The following CFAP69 variants were observed in gnomAD, a reference collection of about 807,000 sequenced individuals.
The protein encoded by CFAP69 is cilia and flagella associated protein 69.
CFAP69 carries 92 observed loss-of-function variants against 123.0 expected under a neutral mutation model. The ratio of observed to expected loss-of-function variants is 0.75; its 90% CI spans 0.63 to 0.89. The LOEUF is 0.89. Ranked by LOEUF, CFAP69 falls within the 40% of genes least tolerant of loss-of-function variation. The pLI, the probability that CFAP69 is intolerant of heterozygous loss-of-function variation, is 0.00. For missense variants in CFAP69, 1,067 were observed against 1,096.9 expected (o/e 0.97, Z 0.39); for synonymous variants, 380 against 364.3 (o/e 1.04, Z -0.49).
intron 17 of CFAP69, 36 bp downstream of exon 17, chr7:90,300,095 A>T (rs896831135): frequency 2.1e-5 from 30 of 1,430,214 alleles, no homozygotes; most frequent in Non-Finnish European, 2.8e-5. Context: ...GAAGCAATTA[A>T]TGTATATATT....
In CFAP69 at chr7:90,287,521, T is replaced by A. The variant is rs570023455; in HGVS notation, c.1657-713T>A. 1,627 of 985,200 alleles carry A rather than the reference T, an allele frequency of 1.7e-3. 4 individuals are homozygous for A. Among genetic ancestry groups the A allele is most frequent in the Non-Finnish European group, 1.8e-3 (1,533 of 829,782 alleles). 61.0% of individuals were successfully genotyped at this position (985,200 alleles called of 1,614,324 possible). ...TTTTAGCTCCATAGTGAACTCTGAGTCTCAGAGATTGATAATTTAAATGTT... is the reference window on the plus strand; with the variant it reads ...TTTTAGCTCCATAGTGAACTCTGAGACTCAGAGATTGATAATTTAAATGTT... On this transcript the variant is annotated intron_variant, in intron 14 of 22. Transcript: ENST00000389297.
intron 13 of CFAP69, among the ~76,000 whole-genome samples, chr7:90,285,414 T>A (rs1463057905): frequency 6.6e-6 from 1 of 152,068 alleles, no homozygotes; most frequent in Non-Finnish European, 1.5e-5. Flanking sequence ...AAAAAGTCAC[T>A]TTTTTTCTTT....
intron 1 of CFAP69, among the ~76,000 whole-genome samples, chr7:90,246,320 C>A (rs1796316738): frequency 6.6e-6 from 1 of 152,162 alleles, no homozygotes; most frequent in South Asian, 2.1e-4. Flanking sequence ...GAGCCCTGAT[C>A]GTGCCTTAAA....
intron 19 of CFAP69, among the ~76,000 whole-genome samples, chr7:90,305,445 T>TC (rs1793441422): frequency 6.7e-6 from 1 of 149,176 alleles, no homozygotes; most frequent in Admixed American, 6.7e-5. Flanking sequence ...CAGGCTGGAG[T>TC]ACAATGGCAT....
chr7:90,294,947 G>C (rs1169475066), intron 15 of CFAP69, among the ~76,000 whole-genome samples: 1 of 152,176 alleles, frequency 6.6e-6, no homozygotes, highest in Non-Finnish European at 1.5e-5. Context: ...AAGGTGAGGT[G>C]CTCAGGGAGG....
At chr7:90,268,180 T>A (rs1009020596) in intron 5 of CFAP69, 106 bp from the exon 6 acceptor site, 1 of 677,088 alleles carries the variant, frequency 1.5e-6, no homozygotes, top group Non-Finnish European at 2.4e-6. Context: ...TTTGAATCTC[T>A]GAGAATATTT....
At chr7:90,294,378 C>T (rs1319944341) in intron 15 of CFAP69, among the ~76,000 whole-genome samples, 5 of 152,128 alleles carry the variant, frequency 3.3e-5, no homozygotes, top group Admixed American at 3.3e-4. Context: ...CATCATTCTA[C>T]TTTTTACTTT....
chr7:90,302,017 C>A (rs551785862), intron 17 of CFAP69: 2 of 152,272 alleles, frequency 1.3e-5, no homozygotes, highest in East Asian at 3.9e-4. Context: ...AACAGCCATT[C>A]TGACTGATGT....
intron 19 of CFAP69, among the ~76,000 whole-genome samples, 188 bp from the exon 20 acceptor site, chr7:90,306,713 A>C (rs548353634): frequency 1.3e-5 from 2 of 152,316 alleles, no homozygotes; most frequent in South Asian, 2.1e-4. Flanking sequence ...AACATTTGAT[A>C]AATTCCTACT....
chr7:90,289,189 G>C (rs926785279), intron 15 of CFAP69, among the ~76,000 whole-genome samples: 8 of 151,864 alleles, frequency 5.3e-5, no homozygotes, highest in Non-Finnish European at 7.4e-5. Flanking sequence ...AAAATGCCCA[G>C]ATCTGGGCAT....
In CFAP69 at chr7:90,297,094, T is replaced by G. The variant is rs575850357; in HGVS notation, c.1776-655T>G. On this transcript the variant is annotated intron_variant, in intron 15 of 22. Transcript: ENST00000389297. ...TTTAAAAATATGTCAAAGGAATATA[T>G]TTTGGGGTAAAATACTTTGATTTCT... Among the ~76,000 whole-genome samples the G allele has an allele frequency of 1.4e-4, 22 of 152,282 alleles. 1 individual carries two copies. In the South Asian group the frequency reaches 3.7e-3, roughly 26 times the overall value.
intron 15 of CFAP69, among the ~76,000 whole-genome samples, chr7:90,294,705 G>T (rs17863978): frequency 1.3e-5 from 2 of 151,934 alleles, no homozygotes; most frequent in Admixed American, 6.6e-5. Flanking sequence ...CAGGCTTACA[G>T]GTGTCCTAAC....
At chr7:90,301,034 AC>A (rs889112962) in intron 17 of CFAP69, 4 of 146,532 alleles carry the variant, frequency 2.7e-5, no homozygotes, top group African/African-American at 1.0e-4. Flanking sequence ...AGTGACATGA[AC>A]TCGGCTCACT....
rs1799427555 is a variant in CFAP69, at chr7:90,268,183, G to A, written c.434-103G>A. The stretch of plus-strand genomic sequence containing the variant: ...AACATGATCCAGTTTGAATCTCTGA[G>A]AATATTTTTAATAATCATCATATTA... On this transcript the variant is annotated intron_variant, in intron 5 of 22. Transcript: ENST00000389297. The A allele has an allele frequency of 1.0e-5, 7 of 689,164 alleles. No homozygotes were observed. In the South Asian group the frequency reaches 1.4e-4, roughly 13 times the overall value. 42.7% of individuals were successfully genotyped at this position (689,164 alleles called of 1,614,324 possible). A position where few individuals can be genotyped will look rare whatever the true frequency, so the allele number is the denominator to read the frequency against.
chr7:90,298,161 T>C (rs912829419), intron 16 of CFAP69, among the ~76,000 whole-genome samples: 3 of 152,162 alleles, frequency 2.0e-5, no homozygotes, highest in Admixed American at 6.5e-5. Flanking sequence ...CCATAGTCAT[T>C]TATTAATAAC....
In CFAP69 at chr7:90,274,033, CATT is replaced by C. The variant is rs1202321134; in HGVS notation, c.910_912del (p.Tyr304del). ...AAATCTGTTTATGAGAGGTTTCAGT[CATT>C]ATGACCGTCAGCTTAGAAATGACAT... On this transcript the variant is annotated inframe_deletion, in exon 9 of 23. Coordinates refer to ENST00000389297, the MANE Select transcript of CFAP69 (RefSeq NM_001039706.3). The C allele has an allele frequency of 1.9e-6, 3 of 1,605,846 alleles. No homozygotes were observed. The highest frequency in any genetic ancestry group is 1.7e-6 in the Non-Finnish European group (2 of 1,176,772).
At position 90,279,872 on chromosome 7, in the gene CFAP69, C is replaced by G; in HGVS notation, c.1351C>G (p.Leu451Val). Reference protein sequence around the residue: ...CQGNARVLAFLEWCESEDPFF... With the variant: ...CQGNARVLAFVEWCESEDPFF... ...GGGAAATGCTCGAGTCCTTGCATTT[C>G]TAGAATGGTGTGAGAGTGAAGGTGA... The change falls in exon 12 of 23, where the codon CTA (leucine) becomes GTA (valine). Residue 451 changes from leucine to valine, a missense_variant. Leu to Val is a conservative substitution (Grantham distance 32). Transcript: ENST00000389297. The G allele has an allele frequency of 6.2e-7, 1 of 1,605,094 alleles. No individual in the cohort carries two copies. The highest frequency in any genetic ancestry group is 8.5e-7 in the Non-Finnish European group (1 of 1,177,178).
At chr7:90,262,528 G>GT (rs1468805181) in intron 4 of CFAP69, among the ~76,000 whole-genome samples, 1 of 152,066 alleles carries the variant, frequency 6.6e-6, no homozygotes, top group African/African-American at 2.4e-5. Context: ...TTTTAAAAAT[G>GT]TAAGTTAGAG....
the CFAP69 span, among the ~76,000 whole-genome samples, chr7:90,322,957 CTT>C: frequency 6.6e-6 from 1 of 152,052 alleles, no homozygotes; most frequent in Non-Finnish European, 1.5e-5. Context: ...TTTAGATAGA[CTT>C]AATAACAAAG....
Sources: gnomAD v4.1 joint callset for allele counts (sites outside exome capture counted in the v4.1 genomes callset) on GRCh38, gnomAD v4.1.1 for gene constraint, MANE v1.5 for transcripts, NCBI Gene and HGNC (gene_info 2026-07-23, HGNC 2026-07-21) for gene names.